The following GRIA4 variants were observed in gnomAD, a reference collection of about 807,000 sequenced individuals.
GRIA4 encodes glutamate ionotropic receptor AMPA type subunit 4, also known as glutamate receptor 4.
A neutral mutation model predicts 104.0 loss-of-function variants in GRIA4; 34 were observed. The observed-to-expected ratio is 0.33, with a 90% confidence interval of 0.25 to 0.44. The LOEUF (loss-of-function observed/expected upper bound fraction) is 0.44. Ranked by LOEUF, GRIA4 falls within the 20% of genes least tolerant of loss-of-function variation. GRIA4 has a pLI of 1.00. For missense variants in GRIA4, 750 were observed against 1,096.5 expected, an observed-to-expected ratio of 0.68 and a Z score of 4.46; for synonymous variants, 386 against 381.9, an observed-to-expected ratio of 1.01 and a Z score of -0.13.
chr11:105,888,344 C>T (rs1269761187), intron 6 of GRIA4, among the ~76,000 whole-genome samples: 1 of 113,228 alleles, frequency 8.8e-6, no homozygotes, highest in African/African-American at 3.4e-5. Context: ...AGTGCAGTGG[C>T]GGGATCTCGG....
chr11:105,964,264 T>G (rs1482323485), intron 14 of GRIA4, among the ~76,000 whole-genome samples: 1 of 152,164 alleles, frequency 6.6e-6, no homozygotes. Context: ...AGCTAATTAT[T>G]TAATTAGCAT....
chr11:105,968,912 A>T (rs1212268752), intron 14 of GRIA4, among the ~76,000 whole-genome samples: 1 of 152,204 alleles, frequency 6.6e-6, no homozygotes, highest in Non-Finnish European at 1.5e-5. Context: ...CAGTTATTCA[A>T]TCCTGGTTCT....
intron 4 of GRIA4, among the ~76,000 whole-genome samples, chr11:105,802,934 C>T (rs1369014437): frequency 6.6e-6 from 1 of 151,642 alleles, no homozygotes; most frequent in Non-Finnish European, 1.5e-5. Flanking sequence ...TAAAATCTTA[C>T]AATAGTGCTA....
At chr11:105,680,088 A>C (rs966084961) in intron 3 of GRIA4, among the ~76,000 whole-genome samples, 1 of 152,186 alleles carries the variant, frequency 6.6e-6, no homozygotes, top group South Asian at 2.1e-4. Context: ...CGGTTTACCT[A>C]GAAGCATGAG....
In GRIA4 at chr11:105,660,604, G is replaced by C. The variant is rs1951979191; in HGVS notation, c.247+48170G>C. ...GGAGAACAATAAGATGAAGTCTCAT[G>C]ATAATTTCTCTAGAGAATTAAGAGT... is the stretch of plus-strand genomic sequence containing the variant. On this transcript the variant is annotated intron_variant, in intron 3 of 16. Coordinates refer to ENST00000282499, the MANE Select transcript of GRIA4 (RefSeq NM_000829.4). Among the ~76,000 whole-genome samples the C allele has an allele frequency of 2.0e-5, 3 of 151,540 alleles. No individual in the cohort carries two copies. In the South Asian group the frequency reaches 6.2e-4, roughly 31 times the overall value.
At chr11:105,705,472 C>A (rs1036201122) in intron 3 of GRIA4, among the ~76,000 whole-genome samples, 6 of 151,958 alleles carry the variant, frequency 3.9e-5, no homozygotes, top group African/African-American at 1.5e-4. Context: ...AAATCGCAGA[C>A]AATTGATAAA....
chr11:105,625,961 T>C (rs1950876286), intron 3 of GRIA4, among the ~76,000 whole-genome samples: 1 of 152,156 alleles, frequency 6.6e-6, no homozygotes, highest in Non-Finnish European at 1.5e-5. Context: ...AAACTATTTT[T>C]AAATTCTGTG....
chr11:105,861,574 T>C (rs1945226348), intron 4 of GRIA4, among the ~76,000 whole-genome samples: 1 of 152,174 alleles, frequency 6.6e-6, no homozygotes, highest in African/African-American at 2.4e-5. Flanking sequence ...ACTGTTTCTT[T>C]TACATCTTCT....
intron 3 of GRIA4, among the ~76,000 whole-genome samples, chr11:105,731,778 C>G (rs546615453): frequency 1.3e-5 from 2 of 151,968 alleles, no homozygotes; most frequent in East Asian, 3.9e-4. Flanking sequence ...AACACAGAAA[C>G]AGAAAACCAA....
Position 105,724,371 on chromosome 11 carries a change from TTA to T in GRIA4, c.248-28603_248-28602del, listed in dbSNP as rs1228716962. Reference sequence around the variant, plus strand: ...TAGATAGATGGATACACACACACCATTATATATACACACACACACACACACAT... The same window carrying T: ...TAGATAGATGGATACACACACACCATTATATACACACACACACACACACAT... On this transcript the variant is annotated intron_variant, in intron 3 of 16. Coordinates refer to ENST00000282499, the MANE Select transcript of GRIA4 (RefSeq NM_000829.4). Among the ~76,000 whole-genome samples the T allele has an allele frequency of 3.1e-4, 41 of 133,744 alleles. 1 individual carries two copies. In the East Asian group the frequency reaches 8.0e-3, roughly 26 times the overall value. 87.7% of individuals were successfully genotyped at this position (133,744 alleles called of 152,430 possible). A position where few individuals can be genotyped will look rare whatever the true frequency, so the allele number is the denominator to read the frequency against.
At position 105,780,925 on chromosome 11, in the gene GRIA4, T is replaced by C. The variant is rs1477853725; in HGVS notation, c.487+27705T>C. Among the ~76,000 whole-genome samples the C allele has an allele frequency of 2.0e-5, 3 of 152,236 alleles. No individual in the cohort carries two copies. In the East Asian group the frequency reaches 5.8e-4, roughly 29 times the overall value. ...AAAATAGCAGGATACTGTTGTGTCATGCCTTTCTTTCACACACACACACAT... is the reference window on the plus strand; with the variant it reads ...AAAATAGCAGGATACTGTTGTGTCACGCCTTTCTTTCACACACACACACAT... On this transcript the variant is annotated intron_variant, in intron 4 of 16. Transcript: ENST00000282499.
chr11:105,806,337 CAG>C (rs1942952098), intron 4 of GRIA4, among the ~76,000 whole-genome samples: 1 of 151,736 alleles, frequency 6.6e-6, no homozygotes, highest in Admixed American at 6.6e-5. Context: ...TAGATCAGAA[CAG>C]AGAGATAGAA....
chr11:105,667,800 T>C (rs1952215476), intron 3 of GRIA4, among the ~76,000 whole-genome samples: 1 of 152,076 alleles, frequency 6.6e-6, no homozygotes, highest in South Asian at 2.1e-4. Flanking sequence ...ACATATCTTT[T>C]ATTTCTCATA....
chr11:105,969,416 ATATCT>A (rs1370859137), intron 14 of GRIA4, among the ~76,000 whole-genome samples: 1 of 152,194 alleles, frequency 6.6e-6, no homozygotes, highest in Non-Finnish European at 1.5e-5. Flanking sequence ...TTAATACTAA[ATATCT>A]TATATTCAAA....
chr11:105,612,624 CTTAAT>C, intron 3 of GRIA4, 190 bp downstream of exon 3: 1 of 519,954 alleles, frequency 1.9e-6, no homozygotes, highest in Non-Finnish European at 3.3e-6. Flanking sequence ...TTTTCTTTTC[CTTAAT>C]TTATTTTTCT....
chr11:105,831,738 T>C (rs1435168185), intron 4 of GRIA4, among the ~76,000 whole-genome samples: 1 of 151,926 alleles, frequency 6.6e-6, no homozygotes. Context: ...GAGCAACCAT[T>C]GAGATAGGGG....
At chr11:105,854,865 C>T (rs943233221) in intron 4 of GRIA4, among the ~76,000 whole-genome samples, 2 of 152,240 alleles carry the variant, frequency 1.3e-5, no homozygotes, top group African/African-American at 4.8e-5. Flanking sequence ...TGAGTTCATT[C>T]ACATTTCTGC....
chr11:105,736,003 C>A (rs946814835), intron 3 of GRIA4, among the ~76,000 whole-genome samples: 20 of 151,944 alleles, frequency 1.3e-4, no homozygotes, highest in African/African-American at 4.8e-4. Flanking sequence ...ATATGCTTCC[C>A]AGAAATAAAA....
chr11:105,955,673 G>A (rs1054476353), intron 14 of GRIA4, among the ~76,000 whole-genome samples: 17 of 152,010 alleles, frequency 1.1e-4, no homozygotes, highest in African/African-American at 3.4e-4. Context: ...TTTCTGGTTC[G>A]AGATCCTTGA....
Sources: gnomAD v4.1 joint callset for allele counts (sites outside exome capture counted in the v4.1 genomes callset) on GRCh38, gnomAD v4.1.1 for gene constraint, MANE v1.5 for transcripts, NCBI Gene and HGNC (gene_info 2026-07-23, HGNC 2026-07-21) for gene names.